Variants in DOCK9 observed in about 807,000 individuals in gnomAD.
The protein encoded by DOCK9 is dedicator of cytokinesis protein 9.
Under a neutral mutation model 263.3 loss-of-function variants are expected in DOCK9, and 89 were observed. The observed-to-expected ratio is 0.34, with a 90% CI of 0.28 to 0.40. DOCK9 has a LOEUF of 0.40. DOCK9 is among the 10% of genes least tolerant of loss of function. The pLI is 1.00. For missense variants in DOCK9, 2,140 were observed against 2,603.4 expected (o/e 0.82, Z 3.87); for synonymous variants, 976 against 973.1 (o/e 1.00, Z -0.06).
intron 11 of DOCK9, 40 bp downstream of exon 11, chr13:98,902,932 T>G: frequency 7.4e-7 from 1 of 1,349,864 alleles, no homozygotes; most frequent in Non-Finnish European, 9.6e-7. Flanking sequence ...AACCTCTGCC[T>G]ATTTTTTTTT....
rs745729541 is a variant in DOCK9 at position 98,922,006 on chromosome 13, G to A, written c.582+45C>T. Reference sequence around the variant, plus strand: ...AGCATTGTTCTCGAGCTCTATGGCAGAAAGGGCTTGTGAGAGGGGAGGGCA... The same window carrying A: ...AGCATTGTTCTCGAGCTCTATGGCAAAAAGGGCTTGTGAGAGGGGAGGGCA... On this transcript the variant is annotated intron_variant, in intron 6 of 52. Coordinates refer to ENST00000682017, the MANE Select transcript of DOCK9 (RefSeq NM_001366683.2). 4 of 1,461,850 alleles carry A rather than the reference G, an allele frequency of 2.7e-6. No individual in the cohort carries two copies. In the African/African-American group the frequency reaches 4.2e-5, roughly 15 times the overall value. The allele number at this position is 1,461,850 out of a possible 1,614,324, so 90.6% of individuals were successfully genotyped here.
At chr13:98,921,262 G>A (rs1272733130) in intron 6 of DOCK9, among the ~76,000 whole-genome samples, 174 bp from the exon 7 acceptor site, 2 of 152,186 alleles carry the variant, frequency 1.3e-5, no homozygotes, top group Admixed American at 1.3e-4. Context: ...GAAGCTCACT[G>A]CATCTCAGTT....
chr13:99,033,972 T>C (rs1887604003), intron 1 of DOCK9, among the ~76,000 whole-genome samples: 1 of 152,166 alleles, frequency 6.6e-6, no homozygotes, highest in South Asian at 2.1e-4. Context: ...TGTCTTTTCT[T>C]CCAACTTCTA....
intron 1 of DOCK9, among the ~76,000 whole-genome samples, chr13:99,058,019 A>G (rs915016171): frequency 1.3e-5 from 2 of 152,168 alleles, no homozygotes; most frequent in Non-Finnish European, 2.9e-5. Flanking sequence ...GACGGCCAAA[A>G]CAGAGGGGGA....
intron 1 of DOCK9, among the ~76,000 whole-genome samples, chr13:98,988,086 T>G (rs1478044679): frequency 2.6e-5 from 4 of 152,216 alleles, no homozygotes; most frequent in African/African-American, 7.2e-5. Context: ...AAGTATCAAT[T>G]ACTTTAGGCA....
chr13:98,972,554 T>C (rs2059843786), intron 1 of DOCK9, among the ~76,000 whole-genome samples: 1 of 152,160 alleles, frequency 6.6e-6, no homozygotes, highest in Admixed American at 6.5e-5. Flanking sequence ...TCGGACCCTA[T>C]CTAAGCATGC....
chr13:98,893,448 A>G (rs1306836971), intron 15 of DOCK9, among the ~76,000 whole-genome samples: 2 of 152,222 alleles, frequency 1.3e-5, no homozygotes, highest in Non-Finnish European at 2.9e-5. Context: ...CAAATCAAAT[A>G]CAAAGTACCA....
chr13:98,855,800 A>G, intron 34 of DOCK9, 98 bp downstream of exon 34: 1 of 1,466,526 alleles, frequency 6.8e-7, no homozygotes. Flanking sequence ...AAAAAAACAA[A>G]AGGTCACACT....
chr13:98,854,140 A>G (rs138844948), intron 34 of DOCK9, among the ~76,000 whole-genome samples: 51 of 152,242 alleles, frequency 3.3e-4, no homozygotes, highest in African/African-American at 1.2e-3. Flanking sequence ...TCACTCCCTC[A>G]TCAGCTTAGC....
chr13:98,814,562 C>T (rs1172662629), intron 45 of DOCK9, among the ~76,000 whole-genome samples: 4 of 152,058 alleles, frequency 2.6e-5, no homozygotes, highest in African/African-American at 4.8e-5. Flanking sequence ...TGTGCCACCA[C>T]GCCCAGCTAA....
intron 2 of DOCK9, among the ~76,000 whole-genome samples, chr13:98,942,814 T>C (rs2056160443): frequency 6.6e-6 from 1 of 152,120 alleles, no homozygotes; most frequent in South Asian, 2.1e-4. Flanking sequence ...CTGTACAACA[T>C]GGGACTGTGC....
At chr13:98,963,249 C>T (rs1315481841) in intron 1 of DOCK9, among the ~76,000 whole-genome samples, 6 of 152,192 alleles carry the variant, frequency 3.9e-5, no homozygotes, top group Admixed American at 3.9e-4. Context: ...GGAACTCCCT[C>T]CCTCCCACAG....
At chr13:99,006,369 A>G (rs1394066164) in intron 1 of DOCK9, among the ~76,000 whole-genome samples, 1 of 152,108 alleles carries the variant, frequency 6.6e-6, no homozygotes, top group Non-Finnish European at 1.5e-5. Context: ...TCTAGCCTAC[A>G]AAAATAACTA....
intron 1 of DOCK9, among the ~76,000 whole-genome samples, chr13:99,015,108 C>T (rs1002959944): frequency 1.3e-5 from 2 of 152,142 alleles, no homozygotes; most frequent in African/African-American, 2.4e-5. Context: ...AACTGGGAGA[C>T]GGTTCACATA....
chr13:99,014,967 C>T (rs1313518596), intron 1 of DOCK9, among the ~76,000 whole-genome samples: 5 of 152,190 alleles, frequency 3.3e-5, no homozygotes, highest in Non-Finnish European at 7.3e-5. Context: ...TTGTCTCATA[C>T]CCATCATAGT....
intron 27 of DOCK9, among the ~76,000 whole-genome samples, chr13:98,879,339 A>C (rs2044373638): frequency 6.6e-6 from 1 of 152,178 alleles, no homozygotes; most frequent in Admixed American, 6.5e-5. Context: ...GCTGGGGCAG[A>C]GAAGAAATTT....
At chr13:99,033,086 G>A (rs1225501712) in intron 1 of DOCK9, among the ~76,000 whole-genome samples, 1 of 152,196 alleles carries the variant, frequency 6.6e-6, no homozygotes, top group Non-Finnish European at 1.5e-5. Context: ...GATGTTTTAA[G>A]ACATCTGAGT....
At chr13:98,950,411 G>A in intron 2 of DOCK9, 1 of 784,832 alleles carries the variant, frequency 1.3e-6, no homozygotes, top group Non-Finnish European at 2.1e-6. Context: ...AGATTTTCTA[G>A]AACCAAAGGG....
At position 98,794,701 on chromosome 13, in the gene DOCK9, G is replaced by C; in HGVS notation, c.6204C>G (p.His2068Gln). The change falls in exon 53 of 53, where the codon CAC becomes CAG. Residue 2068 changes from histidine to glutamine, a missense_variant. Coordinates refer to ENST00000682017, the MANE Select transcript of DOCK9 (RefSeq NM_001366683.2). ...GAGTCCCACTGATGGCGTTGAAGAT[G>C]TGAAGGGAATTCGGTAAGACGCTCG... ...EKTSVLPNSL[H>Q]IFNAISGTPT... is the part of the protein sequence containing the mutation. 6.2e-7 allele frequency: 1 copy of C among 1,613,954 alleles called. No individual in the cohort carries two copies. Among genetic ancestry groups the C allele is most frequent in the Non-Finnish European group, 8.5e-7 (1 of 1,179,860 alleles).
Sources: gnomAD v4.1 joint callset for allele counts (sites outside exome capture counted in the v4.1 genomes callset) on GRCh38, gnomAD v4.1.1 for gene constraint, MANE v1.5 for transcripts, NCBI Gene and HGNC (gene_info 2026-07-23, HGNC 2026-07-21) for gene names.